BCAS1: variants seen among roughly 807,000 people sequenced by gnomAD.
BCAS1 encodes brain enriched myelin associated protein 1, also known as breast carcinoma-amplified sequence 1.
In BCAS1, 46 loss-of-function variants were observed where a neutral mutation model predicts 65.4. The ratio of observed to expected loss-of-function variants is 0.70; its 90% CI spans 0.55 to 0.90. The LOEUF is 0.90. Ranked by LOEUF, BCAS1 falls within the 40% of genes least tolerant of loss-of-function variation. BCAS1 has a pLI of 0.00. For missense variants in BCAS1, 793 were observed against 771.2 expected, an observed-to-expected ratio of 1.03 and a Z score of -0.33; for synonymous variants, 298 against 293.5, an observed-to-expected ratio of 1.02 and a Z score of -0.16.
intron 9 of BCAS1, 83 bp from the exon 10 acceptor site, chr20:53,967,156 C>A (rs1219545838): frequency 4.3e-6 from 6 of 1,406,904 alleles, no homozygotes; most frequent in Non-Finnish European, 5.9e-6. Context: ...GTCCTTGTTG[C>A]CCCCCTGTCC....
At chr20:54,046,338 C>A (rs1224856983) in intron 3 of BCAS1, among the ~76,000 whole-genome samples, 4 of 151,426 alleles carry the variant, frequency 2.6e-5, no homozygotes. Flanking sequence ...GACCAGCCTG[C>A]CCAACATAGT....
intron 7 of BCAS1, among the ~76,000 whole-genome samples, chr20:53,990,246 A>G (rs1277162038): frequency 1.3e-5 from 2 of 152,212 alleles, no homozygotes; most frequent in Non-Finnish European, 2.9e-5. Context: ...ATTTTGGGGC[A>G]TGGCAAAGGC....
At position 53,960,499 on chromosome 20, in the gene BCAS1, G is replaced by A. The variant is rs12480894; in HGVS notation, c.1486-3002C>T. Reference sequence around the variant, plus strand: ...AAAAAAAAAAAAAAAAAAAAAAAGAGAGAGAGAGTATCTCAAACTTTTCAG... The same window carrying A: ...AAAAAAAAAAAAAAAAAAAAAAAGAAAGAGAGAGTATCTCAAACTTTTCAG... On this transcript the variant is annotated intron_variant, in intron 10 of 12. Coordinates refer to ENST00000688948, the MANE Select transcript of BCAS1 (RefSeq NM_001366298.2). Among the ~76,000 whole-genome samples, 29 of 100,232 alleles carry A rather than the reference G, an allele frequency of 2.9e-4. 1 individual carries two copies. Among genetic ancestry groups the A allele is most frequent in the Non-Finnish European group, 3.1e-4 (13 of 42,074 alleles). The allele number at this position is 100,232 out of a possible 152,430, so 65.8% of individuals were successfully genotyped here. A position where few individuals can be genotyped will look rare whatever the true frequency, so the allele number is the denominator to read the frequency against.
intron 9 of BCAS1, among the ~76,000 whole-genome samples, chr20:53,973,397 G>C (rs968637266): frequency 2.6e-5 from 4 of 151,992 alleles, no homozygotes; most frequent in African/African-American, 9.7e-5. Context: ...ATCAGTTTTT[G>C]TGTTATCGTT....
chr20:53,946,446 C>A (rs1231743346), intron 12 of BCAS1, among the ~76,000 whole-genome samples: 1 of 151,412 alleles, frequency 6.6e-6, no homozygotes, highest in Non-Finnish European at 1.5e-5. Context: ...TTGTGGGCCT[C>A]CTTTTATACT....
At chr20:54,005,178 AAG>A (rs1491101109) in intron 4 of BCAS1, among the ~76,000 whole-genome samples, 11 of 152,058 alleles carry the variant, frequency 7.2e-5, no homozygotes, top group Non-Finnish European at 1.3e-4. Flanking sequence ...AAGTGAGGCT[AAG>A]CACAGTGGCT....
At chr20:54,015,214 T>C (rs1568878958) in intron 4 of BCAS1, among the ~76,000 whole-genome samples, 2 of 152,146 alleles carry the variant, frequency 1.3e-5, no homozygotes, top group African/African-American at 2.4e-5. Flanking sequence ...GTATTTTCAG[T>C]AGAGATGGGG....
At chr20:54,041,768 G>A (rs892342838) in intron 3 of BCAS1, among the ~76,000 whole-genome samples, 3 of 151,242 alleles carry the variant, frequency 2.0e-5, no homozygotes, top group African/African-American at 4.9e-5. Context: ...GCGTAGTGGC[G>A]GGCGCCTGTA....
chr20:53,991,853 C>T (rs1428332807), intron 7 of BCAS1, among the ~76,000 whole-genome samples: 2 of 152,108 alleles, frequency 1.3e-5, no homozygotes. Flanking sequence ...ATAGATTGTG[C>T]AGAAATATGA....
chr20:53,985,386 C>G lies in BCAS1; in HGVS notation c.1176G>C (p.Gly392=). Residue 392 remains glycine, a synonymous_variant, in exon 8 of 13, where the codon GGG becomes GGC. Transcript: ENST00000688948. ...CAGGGGTTGTCACGGACTGTGTGTG[C>G]CCCGATGGGTTGCATCCTTTGGAAT... The part of the protein sequence containing the change: ...GKNSKGCNPS[G]HTQSVTTPEP... 6.2e-7 allele frequency: 1 copy of G among 1,614,018 alleles called. No homozygotes were observed. The highest frequency in any genetic ancestry group is 8.5e-7 in the Non-Finnish European group (1 of 1,179,960).
Position 54,007,756 on chromosome 20 carries a change from AC to A in BCAS1, c.724-11707del, listed in dbSNP as rs2091232655. ...CTTCTTAGATTGACATTAAAAAATA[AC>A]ATAAGACTTCTGCTTCTGGGAAGAT... On this transcript the variant is annotated intron_variant, in intron 4 of 12. Coordinates refer to ENST00000688948, the MANE Select transcript of BCAS1 (RefSeq NM_001366298.2). Among the ~76,000 whole-genome samples the A allele has an allele frequency of 3.3e-5, 5 of 152,294 alleles. No homozygotes were observed. In the South Asian group the frequency reaches 1.0e-3, roughly 32 times the overall value.
At chr20:54,053,884 T>C (rs1227901476) in intron 3 of BCAS1, among the ~76,000 whole-genome samples, 1 of 152,234 alleles carries the variant, frequency 6.6e-6, no homozygotes, top group Non-Finnish European at 1.5e-5. Context: ...ATAGGAAATA[T>C]TATTGGATGC....
At chr20:53,965,408 C>G (rs1387086482) in intron 10 of BCAS1, among the ~76,000 whole-genome samples, 2 of 152,150 alleles carry the variant, frequency 1.3e-5, no homozygotes, top group East Asian at 3.8e-4. Flanking sequence ...TAATGAAATT[C>G]TTGTTTTTCA....
intron 1 of BCAS1, among the ~76,000 whole-genome samples, chr20:54,060,478 A>ATT (rs11478662): frequency 9.4e-5 from 13 of 137,710 alleles, no homozygotes; most frequent in African/African-American, 3.5e-4. Flanking sequence ...ACACCAGACT[A>ATT]TTTTTTTTTT....
chr20:53,965,759 T>A (rs918533065), intron 10 of BCAS1, among the ~76,000 whole-genome samples: 1 of 152,220 alleles, frequency 6.6e-6, no homozygotes, highest in East Asian at 1.9e-4. Context: ...GACTATTTGA[T>A]ACATAATCCT....
At chr20:54,065,803 G>C (rs968971954) in intron 1 of BCAS1, among the ~76,000 whole-genome samples, 1 of 152,186 alleles carries the variant, frequency 6.6e-6, no homozygotes, top group African/African-American at 2.4e-5. Flanking sequence ...GTGAGGGGTG[G>C]AGGGAAGGAC....
intron 4 of BCAS1, among the ~76,000 whole-genome samples, chr20:54,025,255 A>C (rs1469350205): frequency 6.6e-6 from 1 of 152,134 alleles, no homozygotes; most frequent in African/African-American, 2.4e-5. Flanking sequence ...TCAAGTTTGC[A>C]TTATGTGATT....
intron 4 of BCAS1, among the ~76,000 whole-genome samples, chr20:54,020,212 T>G (rs1255991082): frequency 6.6e-6 from 1 of 152,194 alleles, no homozygotes; most frequent in Non-Finnish European, 1.5e-5. Context: ...ACAAGTTACT[T>G]TACCTCTCCG....
chr20:53,972,614 A>T (rs1225677989), intron 9 of BCAS1, among the ~76,000 whole-genome samples: 1 of 152,258 alleles, frequency 6.6e-6, no homozygotes, highest in Non-Finnish European at 1.5e-5. Flanking sequence ...TTGAATTCAC[A>T]TCATAAAATA....
Sources: gnomAD v4.1 joint callset for allele counts (sites outside exome capture counted in the v4.1 genomes callset) on GRCh38, gnomAD v4.1.1 for gene constraint, MANE v1.5 for transcripts, NCBI Gene and HGNC (gene_info 2026-07-23, HGNC 2026-07-21) for gene names.